Variants in ADCY10 observed in about 807,000 individuals in gnomAD.
The protein encoded by ADCY10 is adenylate cyclase 10.
A neutral mutation model predicts 183.3 loss-of-function variants in ADCY10; 156 were observed. The observed-to-expected ratio is 0.85, with a 90% CI of 0.75 to 0.97. The LOEUF (loss-of-function observed/expected upper bound fraction) is 0.97, where lower values mean the gene tolerates loss of function less well. Among genes scored for constraint, ADCY10 ranks in the 50% least tolerant of loss-of-function variants. The pLI, the probability that ADCY10 is intolerant of heterozygous loss-of-function variation, is 0.00. For missense variants in ADCY10, 1,745 were observed against 1,934.3 expected (o/e 0.90, Z 1.84); for synonymous variants, 645 against 670.0 (o/e 0.96, Z 0.58).
intron 21 of ADCY10, among the ~76,000 whole-genome samples, chr1:167,840,677 CTCATTTTTT>C (rs146663737): frequency 0.017 from 2,568 of 152,084 alleles, 67 homozygotes; most frequent in African/African-American, 0.058. Flanking sequence ...ATTTTTGATT[CTCATTTTTT>C]TCATTTACAA....
At position 167,880,629 on chromosome 1, in the gene ADCY10, C is replaced by G; in HGVS notation, c.1021-20G>C. On this transcript the variant is annotated intron_variant, in intron 9 of 32. Coordinates refer to ENST00000367851, the MANE Select transcript of ADCY10 (RefSeq NM_018417.6). The stretch of plus-strand genomic sequence containing the variant: ...GCAGCCCTGTGAGGGAGAGAGACAG[C>G]AACCACAGCTGATGGACAGTGTGCT... 1 of 1,553,970 alleles carries G rather than the reference C, an allele frequency of 6.4e-7. No homozygotes were observed. The highest frequency in any genetic ancestry group is 8.9e-7 in the Non-Finnish European group (1 of 1,125,316).
At chr1:167,833,881 G>T in intron 24 of ADCY10, 89 bp downstream of exon 24, 1 of 995,136 alleles carries the variant, frequency 1.0e-6, no homozygotes. Flanking sequence ...GATGGGAGGA[G>T]GGTGTAGAAA....
At chr1:167,895,578 C>G (rs149589211) in intron 7 of ADCY10, among the ~76,000 whole-genome samples, 3 of 152,218 alleles carry the variant, frequency 2.0e-5, no homozygotes, top group Non-Finnish European at 2.9e-5. Flanking sequence ...TATTAGATGC[C>G]TATTTGACAT....
chr1:167,832,616 C>A (rs183154376), intron 25 of ADCY10, among the ~76,000 whole-genome samples: 1 of 152,180 alleles, frequency 6.6e-6, no homozygotes, highest in East Asian at 1.9e-4. Context: ...GTCTTAGCAC[C>A]TAATGGAAGA....
chr1:167,857,190 C>T (rs1309308575), intron 16 of ADCY10, among the ~76,000 whole-genome samples: 3 of 152,290 alleles, frequency 2.0e-5, no homozygotes, highest in Admixed American at 6.5e-5. Flanking sequence ...TGCAGAAAAC[C>T]GGCTCCCCAG....
chr1:167,858,987 T>C (rs528033438), intron 16 of ADCY10, among the ~76,000 whole-genome samples: 1 of 152,056 alleles, frequency 6.6e-6, no homozygotes, highest in African/African-American at 2.4e-5. Context: ...GACTTGGCAG[T>C]GAGTAAATGC....
intron 21 of ADCY10, among the ~76,000 whole-genome samples, chr1:167,838,014 G>A (rs1664350460): frequency 6.6e-6 from 1 of 152,220 alleles, no homozygotes; most frequent in Admixed American, 6.5e-5. Flanking sequence ...AAGAATCCCA[G>A]AGAGGGGAAT....
intron 18 of ADCY10, among the ~76,000 whole-genome samples, chr1:167,852,433 G>A (rs903486813): frequency 6.6e-6 from 1 of 151,678 alleles, no homozygotes. Context: ...GACAGAGTGA[G>A]ACTCTGTCTC....
chr1:167,859,918 TG>T, intron 15 of ADCY10, 25 bp from the exon 16 acceptor site: 1 of 1,545,824 alleles, frequency 6.5e-7, no homozygotes. Flanking sequence ...ATGAGAATAT[TG>T]AGTATGGGAA....
chr1:167,896,176 G>A (rs564225404), intron 7 of ADCY10, among the ~76,000 whole-genome samples: 1 of 152,252 alleles, frequency 6.6e-6, no homozygotes, highest in Admixed American at 6.5e-5. Flanking sequence ...GAGCAGGTGA[G>A]CACAGACATC....
At chr1:167,821,690 G>A (rs1662924025) in intron 30 of ADCY10, among the ~76,000 whole-genome samples, 1 of 152,206 alleles carries the variant, frequency 6.6e-6, no homozygotes, top group African/African-American at 2.4e-5. Context: ...TGCCGGGTGG[G>A]CAAGTGGTGC....
chr1:167,891,530 C>T (rs1180037859), intron 8 of ADCY10, among the ~76,000 whole-genome samples: 1 of 151,676 alleles, frequency 6.6e-6, no homozygotes, highest in Non-Finnish European at 1.5e-5. Context: ...GTGGCGGGCG[C>T]CTGTAGTCCC....
intron 21 of ADCY10, among the ~76,000 whole-genome samples, chr1:167,840,483 AG>A (rs1043978322): frequency 6.6e-5 from 10 of 151,978 alleles, no homozygotes; most frequent in African/African-American, 1.7e-4. Context: ...CAGCCTCCCA[AG>A]TAGCTGGGAC....
chr1:167,835,198 G>A (rs1056882092), intron 23 of ADCY10, among the ~76,000 whole-genome samples: 10 of 152,186 alleles, frequency 6.6e-5, no homozygotes, highest in Non-Finnish European at 1.2e-4. Flanking sequence ...TTCATGGAAG[G>A]TTAGCCCAGC....
In ADCY10 at chr1:167,870,317, C is replaced by T; in HGVS notation, c.1556G>A (p.Gly519Glu). The change falls in exon 14 of 33, where the codon GGA becomes GAA. Residue 519 changes from glycine to glutamate, a missense_variant. Gly to Glu is a moderately conservative substitution (Grantham distance 98). Transcript: ENST00000367851. ...CATAAGTATCTGGCTTTTTCCATAT[C>T]CTGGTAATCCCTCATACATTAAGAC... Reference protein sequence around the residue: ...SQVLMYEGLPGYGKSQILMKI... With the variant: ...SQVLMYEGLPEYGKSQILMKI... 6.2e-7 allele frequency: 1 copy of T among 1,613,978 alleles called. No homozygotes were observed. Among genetic ancestry groups the T allele is most frequent in the Non-Finnish European group, 8.5e-7 (1 of 1,179,962 alleles).
intron 8 of ADCY10, among the ~76,000 whole-genome samples, chr1:167,892,462 G>T (rs1422037701): frequency 6.6e-6 from 1 of 152,106 alleles, no homozygotes; most frequent in African/African-American, 2.4e-5. Flanking sequence ...CTCTTCACCA[G>T]GTAAACATTT....
At chr1:167,908,485 G>C (rs1476595892) in intron 1 of ADCY10, among the ~76,000 whole-genome samples, 3 of 152,136 alleles carry the variant, frequency 2.0e-5, no homozygotes, top group South Asian at 2.1e-4. Flanking sequence ...ATCTAACCTA[G>C]AGCAAGGTGA....
intron 3 of ADCY10, 59 bp from the exon 4 acceptor site, chr1:167,902,113 ATCAT>A: frequency 6.7e-7 from 1 of 1,503,410 alleles, no homozygotes; most frequent in South Asian, 1.1e-5. Context: ...GTAAAAAAAC[ATCAT>A]TCTTTCTTAG....
chr1:167,854,432 G>A lies in ADCY10; in HGVS notation c.2229C>T (p.Asn743=), dbSNP rs1665736855. The change falls in exon 18 of 33, where the codon AAC becomes AAT. Residue 743 remains asparagine, a synonymous_variant. Transcript: ENST00000367851. ...IPFYCEELLK[N]LEHHEVLVFQ... ...AAACGAGTACCTCATGATGTTCCAG[G>A]TTTTTAAGCAATTCTTCACAGTAAA... 4 of 1,614,136 alleles carry A rather than the reference G, an allele frequency of 2.5e-6. No homozygotes were observed. The highest frequency in any genetic ancestry group is 3.4e-6 in the Non-Finnish European group (4 of 1,180,026).
Sources: allele counts gnomAD v4.1 joint callset (sites outside exome capture counted in the v4.1 genomes callset), GRCh38; gene constraint gnomAD v4.1.1; transcripts MANE v1.5; gene names NCBI Gene and HGNC (gene_info 2026-07-23, HGNC 2026-07-21).